Variants in NUP62 observed in about 807,000 individuals in gnomAD.
NUP62 encodes the protein nuclear pore glycoprotein p62.
For synonymous variants in NUP62, 305 were observed against 303.4 expected (o/e 1.01, Z -0.05); for missense variants, 647 against 689.4 (o/e 0.94, Z 0.69).
At chr19:49,913,471 G>A (rs1390505600) in intron 2 of NUP62, among the ~76,000 whole-genome samples, 1 of 152,204 alleles carries the variant, frequency 6.6e-6, no homozygotes, top group Non-Finnish European at 1.5e-5. Context: ...CTCTGGAGGG[G>A]CTGGAGTCAG....
intron 2 of NUP62, among the ~76,000 whole-genome samples, chr19:49,920,787 G>C (rs2075747734): frequency 6.6e-6 from 1 of 152,222 alleles, no homozygotes; most frequent in South Asian, 2.1e-4. Context: ...GAGAGGGACT[G>C]AGGCATCAGG....
chr19:49,912,002 C>G (rs1471703399), intron 2 of NUP62, among the ~76,000 whole-genome samples: 2 of 152,156 alleles, frequency 1.3e-5, no homozygotes, highest in Admixed American at 6.6e-5. Context: ...GCAGCTACAC[C>G]TACACATCTC....
At position 49,909,264 on chromosome 19, in the gene NUP62, G is replaced by C. The variant is rs749148238; in HGVS notation, c.544C>G (p.Pro182Ala). 2 of 1,614,114 alleles carry C rather than the reference G, an allele frequency of 1.2e-6. No individual in the cohort carries two copies. The highest frequency in any genetic ancestry group is 1.7e-6 in the Non-Finnish European group (2 of 1,180,014). The change falls in exon 3 of 3, where the codon CCC (proline) becomes GCC (alanine). Residue 182 changes from proline to alanine, a missense_variant. Pro to Ala is a conservative substitution (Grantham distance 27). Coordinates refer to ENST00000352066, the MANE Select transcript of NUP62 (RefSeq NM_016553.5). ...NIGSAGNSAQ[P>A]TAPATLPFTP... is the part of the protein sequence containing the mutation. ...AAGGGCAACGTGGCAGGTGCCGTGGGCTGGGCTGAATTCCCTGCTGAGCCA... is the reference window on the plus strand; with the variant it reads ...AAGGGCAACGTGGCAGGTGCCGTGGCCTGGGCTGAATTCCCTGCTGAGCCA...
rs554024394 is a variant in NUP62, at chr19:49,926,743, A to G, written c.-78+951T>C. On this transcript the variant is annotated intron_variant, in intron 2 of 2. Coordinates refer to ENST00000352066, the MANE Select transcript of NUP62 (RefSeq NM_016553.5). ...ATGAGAACACATCCACCTTAATTAC[A>G]GCAATAACAATAACCACTTTTATGC... Among the ~76,000 whole-genome samples the G allele has an allele frequency of 9.2e-5, 14 of 152,290 alleles. No individual in the cohort carries two copies. The South Asian group carries it at 2.9e-3, about 32-fold the overall frequency.
chr19:49,928,818 A>C (rs2122809131), intron 1 of NUP62: 1 of 152,452 alleles, frequency 6.6e-6, no homozygotes, highest in Non-Finnish European at 1.5e-5. Flanking sequence ...AAGCAAGGAA[A>C]GGGAAAGAGA....
rs1450352055 is a variant in NUP62, at chr19:49,908,677, G to A, written c.1131C>T (p.Arg377=). 8 of 1,612,090 alleles carry A rather than the reference G, an allele frequency of 5.0e-6. No homozygotes were observed. Among genetic ancestry groups the A allele is most frequent in the East Asian group, 2.2e-5 (1 of 44,878 alleles). Residue 377 remains arginine, a synonymous_variant, in exon 3 of 3, where the codon CGC becomes CGT. Transcript: ENST00000352066. The stretch of plus-strand genomic sequence containing the variant: ...GGTCCAGCTTCACCTTCTCCACCTC[G>A]CGGTGCAGGCTGGTGATCTTTTCTC... ...ENGEKITSLH[R]EVEKVKLDQK...
Position 49,907,510 on chromosome 19 carries a change from A to C in NUP62, c.*729T>G, listed in dbSNP as rs2075347905. 2.3e-6 allele frequency: 1 copy of C among 439,278 alleles called. No individual in the cohort carries two copies. The highest frequency in any genetic ancestry group is 2.6e-5 in the Admixed American group (1 of 38,708). 27.2% of individuals were successfully genotyped at this position (439,278 alleles called of 1,614,324 possible). On this transcript the variant is annotated 3_prime_UTR_variant, in exon 3 of 3. Coordinates refer to ENST00000352066, the MANE Select transcript of NUP62 (RefSeq NM_016553.5). Reference sequence around the variant, plus strand: ...TCACAAGCACAAGCTCACACTCGAAAACTAGGCTGCTGTCTCCTGGGAGTT... The same window carrying C: ...TCACAAGCACAAGCTCACACTCGAACACTAGGCTGCTGTCTCCTGGGAGTT...
chr19:49,918,856 G>A (rs1044283189), intron 2 of NUP62, among the ~76,000 whole-genome samples: 35 of 148,178 alleles, frequency 2.4e-4, no homozygotes, highest in Non-Finnish European at 4.3e-4. Context: ...TAGGCCGGGC[G>A]CAGTGGCTCA....
intron 1 of NUP62, 155 bp from the exon 2 acceptor site, chr19:49,927,970 G>C (rs1233501437): frequency 6.6e-6 from 1 of 152,230 alleles, no homozygotes; most frequent in East Asian, 1.9e-4. Context: ...GGAAGCTGAA[G>C]GACGGTTTGA....
Position 49,907,374 on chromosome 19 carries a change from C to A in NUP62, c.*865G>T. 2.9e-6 allele frequency: 1 copy of A among 339,128 alleles called. No individual in the cohort carries two copies. 21.0% of individuals were successfully genotyped at this position (339,128 alleles called of 1,614,324 possible). ...TCGGCGCCCATCTGTGGTTCCTCAA[C>A]ACCCTGTGTGTGCAGGCCCCTCAGC... is the stretch of plus-strand genomic sequence containing the variant. On this transcript the variant is annotated 3_prime_UTR_variant, in exon 3 of 3. Transcript: ENST00000352066.
At chr19:49,924,694 G>A (rs1051731553) in intron 2 of NUP62, among the ~76,000 whole-genome samples, 2 of 152,204 alleles carry the variant, frequency 1.3e-5, no homozygotes, top group African/African-American at 2.4e-5. Flanking sequence ...CGAAGATCTG[G>A]GGAGAAGGGT....
In NUP62 at chr19:49,909,379, G is replaced by A. The variant is rs1386748049; in HGVS notation, c.429C>T (p.Gly143=). Residue 143 remains glycine, a synonymous_variant, in exon 3 of 3, where the codon GGC becomes GGT. Transcript: ENST00000352066. ...QGTAPTGFVF[G]PSTTSVAPAT... is the part of the protein sequence containing the mutation. ...CTGGAGCCACAGAGGTGGTGGAGGG[G>A]CCAAACACAAAGCCGGTGGGTGCTG... The A allele has an allele frequency of 2.5e-6, 4 of 1,613,328 alleles. No homozygotes were observed. The highest frequency in any genetic ancestry group is 2.7e-5 in the African/African-American group (2 of 74,892).
Position 49,908,504 on chromosome 19 carries a change from T to G in NUP62, c.1304A>C (p.Lys435Thr). The stretch of plus-strand genomic sequence containing the variant: ...CTGTGCATCGATGTTCTCAGCCAGC[T>G]TGTAGGTTTTCTCACGCTCCTCATC... ...HADEEREKTY[K>T]LAENIDAQLK... Residue 435 changes from lysine (K) to threonine (T), a missense_variant, in exon 3 of 3, where the codon AAG (lysine) becomes ACG (threonine). Lys to Thr is a moderately conservative substitution (Grantham distance 78, BLOSUM62 -1). Coordinates refer to ENST00000352066, the MANE Select transcript of NUP62 (RefSeq NM_016553.5). The G allele has an allele frequency of 6.2e-7, 1 of 1,614,132 alleles. No homozygotes were observed. The highest frequency in any genetic ancestry group is 1.1e-5 in the South Asian group (1 of 91,088).
intron 2 of NUP62, among the ~76,000 whole-genome samples, chr19:49,918,340 C>T (rs983242236): frequency 3.3e-5 from 5 of 152,296 alleles, no homozygotes; most frequent in Admixed American, 6.5e-5. Flanking sequence ...GCCAAGATTA[C>T]AGGCACGAGC....
chr19:49,908,727 A>T lies in NUP62; in HGVS notation c.1081T>A (p.Trp361Arg), dbSNP rs979388089. The T allele has an allele frequency of 1.9e-6, 3 of 1,613,102 alleles. No individual in the cohort carries two copies. Among genetic ancestry groups the T allele is most frequent in the African/African-American group, 2.7e-5 (2 of 74,924 alleles). The change falls in exon 3 of 3, where the codon TGG becomes AGG. Residue 361 changes from tryptophan (W) to arginine (R), a missense_variant. Transcript: ENST00000352066. ...CCATTCTCGATCAGCGTGCGGTCCC[A>T]GGCGTTGACCTGGGTGGCCTGCTGG... ...FLQQATQVNA[W>R]DRTLIENGEK...
At position 49,909,651 on chromosome 19, in the gene NUP62, T is replaced by C. The variant is rs374534307; in HGVS notation, c.157A>G (p.Ser53Gly). The C allele has an allele frequency of 1.2e-6, 2 of 1,614,052 alleles. No homozygotes were observed. The highest frequency in any genetic ancestry group is 1.7e-6 in the Non-Finnish European group (2 of 1,180,038). ...NFGAPFQPAT[S>G]TPSTGLFSLA... ...GAGAACAGGCCGGTGGAAGGGGTAC[T>C]TGTGGCTGGTTGGAAGGGAGCCCCA... is the stretch of plus-strand genomic sequence containing the variant. Residue 53 changes from serine to glycine, a missense_variant, in exon 3 of 3, where the codon AGT (serine) becomes GGT (glycine). Coordinates refer to ENST00000352066, the MANE Select transcript of NUP62 (RefSeq NM_016553.5).
chr19:49,907,972 G>A lies in NUP62; in HGVS notation c.*267C>T. The A allele has an allele frequency of 1.7e-6, 1 of 605,026 alleles. No homozygotes were observed. The highest frequency in any genetic ancestry group is 2.8e-6 in the Non-Finnish European group (1 of 358,682). The allele number at this position is 605,026 out of a possible 1,614,324, so 37.5% of individuals were successfully genotyped here. A position where few individuals can be genotyped will look rare whatever the true frequency, so the allele number is the denominator to read the frequency against. On this transcript the variant is annotated 3_prime_UTR_variant, in exon 3 of 3. Coordinates refer to ENST00000352066, the MANE Select transcript of NUP62 (RefSeq NM_016553.5). ...TCACCAGGCTGAGCCAGGATGAGGT[G>A]GGTGGTCGCAGTAGGTGAAAAGGGG... is the stretch of plus-strand genomic sequence containing the variant.
At position 49,908,272 on chromosome 19, in the gene NUP62, C is replaced by T; in HGVS notation, c.1536G>A (p.Glu512=). 6.2e-7 allele frequency: 1 copy of T among 1,613,844 alleles called. No individual in the cohort carries two copies. The highest frequency in any genetic ancestry group is 8.5e-7 in the Non-Finnish European group (1 of 1,180,040). Reference sequence around the variant, plus strand: ...AGGTGATCCGGAAGCTGCGCTCCTGCTCCTTGCGCCGGCCCTCGCACACCT... The same window carrying T: ...AGGTGATCCGGAAGCTGCGCTCCTGTTCCTTGCGCCGGCCCTCGCACACCT... ...VTKVCEGRRK[E]QERSFRITFD Residue 512 remains glutamate, a synonymous_variant, in exon 3 of 3, where the codon GAG becomes GAA. Coordinates refer to ENST00000352066, the MANE Select transcript of NUP62 (RefSeq NM_016553.5).
chr19:49,907,985 A>T lies in NUP62; in HGVS notation c.*254T>A. ...CCAGGATGAGGTGGGTGGTCGCAGT[A>T]GGTGAAAAGGGGCCAAAGATACTCA... is the stretch of plus-strand genomic sequence containing the variant. On this transcript the variant is annotated 3_prime_UTR_variant, in exon 3 of 3. Transcript: ENST00000352066. 1 of 669,190 alleles carries T rather than the reference A, an allele frequency of 1.5e-6. No individual in the cohort carries two copies. The highest frequency in any genetic ancestry group is 2.4e-6 in the Non-Finnish European group (1 of 412,988). 41.5% of individuals were successfully genotyped at this position (669,190 alleles called of 1,614,324 possible). A position where few individuals can be genotyped will look rare whatever the true frequency, so the allele number is the denominator to read the frequency against.
Sources: allele counts gnomAD v4.1 joint callset (sites outside exome capture counted in the v4.1 genomes callset), GRCh38; gene constraint gnomAD v4.1.1; transcripts MANE v1.5; gene names NCBI Gene and HGNC (gene_info 2026-07-23, HGNC 2026-07-21).